Variants in LPP observed in about 807,000 individuals in gnomAD.
LPP encodes lipoma-preferred partner.
Under a neutral mutation model 60.4 loss-of-function variants are expected in LPP, and 38 were observed. The observed-to-expected ratio is 0.63, with a 90% CI of 0.49 to 0.83. The LOEUF is 0.83. Among genes scored for constraint, LPP ranks in the 40% least tolerant of loss-of-function variants. The probability of loss-of-function intolerance (pLI) is 0.00; values close to 1 mark genes in which losing one functional copy is unlikely to be tolerated. For synonymous variants in LPP, 328 were observed against 290.8 expected, an observed-to-expected ratio of 1.13 and a Z score of -1.30; for missense variants, 902 against 783.6, an observed-to-expected ratio of 1.15 and a Z score of -1.80.
chr3:188,258,716 T>C (rs535725653), intron 2 of LPP, among the ~76,000 whole-genome samples: 43 of 152,298 alleles, frequency 2.8e-4, no homozygotes, highest in Non-Finnish European at 1.0e-4. Context: ...GATTCTAAGA[T>C]TCGTCTAGAG....
At chr3:188,641,904 G>A (rs189553182) in intron 7 of LPP, among the ~76,000 whole-genome samples, 1 of 152,158 alleles carries the variant, frequency 6.6e-6, no homozygotes, top group African/African-American at 2.4e-5. Context: ...TTTGAATCTG[G>A]AGGTCTTTGA....
In LPP at chr3:188,798,149, T is replaced by C. The variant is rs1412087748; in HGVS notation, c.1410+37867T>C. Among the ~76,000 whole-genome samples, 3 of 152,188 alleles carry C rather than the reference T, an allele frequency of 2.0e-5. No homozygotes were observed. In the East Asian group the frequency reaches 5.8e-4, roughly 29 times the overall value. ...ATGACATATAAAATATAAGTAGTAATGACAAATTTAATAGTGAATACTTAC... is the reference window on the plus strand; with the variant it reads ...ATGACATATAAAATATAAGTAGTAACGACAAATTTAATAGTGAATACTTAC... On this transcript the variant is annotated intron_variant, in intron 9 of 11. Coordinates refer to ENST00000617246, the MANE Select transcript of LPP (RefSeq NM_001375462.1).
intron 9 of LPP, among the ~76,000 whole-genome samples, chr3:188,794,667 C>A (rs751776376): frequency 9.9e-5 from 15 of 152,174 alleles, no homozygotes; most frequent in South Asian, 4.1e-4. Context: ...AGGGCTACCT[C>A]AGGGGGTCCT....
chr3:188,412,868 C>T (rs952877717), intron 4 of LPP, among the ~76,000 whole-genome samples: 2 of 152,050 alleles, frequency 1.3e-5, no homozygotes, highest in African/African-American at 2.4e-5. Flanking sequence ...TGTGAGGTTA[C>T]GAATGTATTA....
intron 1 of LPP, among the ~76,000 whole-genome samples, chr3:188,158,366 T>C (rs893866373): frequency 2.6e-5 from 4 of 152,074 alleles, no homozygotes; most frequent in African/African-American, 9.7e-5. Context: ...AGGGAACATA[T>C]GAGGCGGAGA....
intron 6 of LPP, among the ~76,000 whole-genome samples, chr3:188,602,178 AT>A (rs1187791363): frequency 4.0e-5 from 4 of 100,714 alleles, no homozygotes; most frequent in African/African-American, 9.2e-5. Context: ...TATATATATT[AT>A]ATATATATAT....
At chr3:188,575,428 C>A (rs1232577824) in intron 6 of LPP, among the ~76,000 whole-genome samples, 3 of 152,118 alleles carry the variant, frequency 2.0e-5, no homozygotes, top group African/African-American at 7.2e-5. Context: ...CTGTAACAAT[C>A]CTACAAGAAC....
chr3:188,161,918 T>C (rs929352915), intron 1 of LPP, among the ~76,000 whole-genome samples: 3 of 152,220 alleles, frequency 2.0e-5, no homozygotes, highest in African/African-American at 7.2e-5. Flanking sequence ...CCATTGATGC[T>C]TGTTTGTGAG....
chr3:188,407,776 T>G (rs3846180), intron 4 of LPP, among the ~76,000 whole-genome samples: 2,461 of 59,618 alleles, frequency 0.041, 97 homozygotes, highest in African/African-American at 0.092. Context: ...TGGTTTTTTT[T>G]TTTGTTTGTT....
intron 3 of LPP, among the ~76,000 whole-genome samples, chr3:188,388,806 C>T (rs887610781): frequency 1.3e-5 from 2 of 152,152 alleles, no homozygotes; most frequent in Non-Finnish European, 2.9e-5. Context: ...CTGAGGTCCT[C>T]AAACTTTTTC....
intron 1 of LPP, among the ~76,000 whole-genome samples, chr3:188,155,225 C>T (rs1420528426): frequency 6.6e-6 from 1 of 152,092 alleles, no homozygotes; most frequent in Non-Finnish European, 1.5e-5. Flanking sequence ...TCTGGCTTCC[C>T]TTCCCTTAGA....
intron 2 of LPP, among the ~76,000 whole-genome samples, chr3:188,254,280 G>A (rs1018627885): frequency 6.6e-6 from 1 of 152,162 alleles, no homozygotes; most frequent in Admixed American, 6.5e-5. Context: ...AGTTCAGTAG[G>A]TGTTGCATAT....
chr3:188,304,372 T>G (rs1190429355), intron 2 of LPP, among the ~76,000 whole-genome samples: 1 of 152,190 alleles, frequency 6.6e-6, no homozygotes, highest in African/African-American at 2.4e-5. Flanking sequence ...GGGCAGGGAC[T>G]TGCTCAAGTT....
intron 3 of LPP, 139 bp downstream of exon 3, chr3:188,341,858 C>G (rs553418355): frequency 2.6e-5 from 5 of 188,700 alleles, no homozygotes; most frequent in African/African-American, 1.2e-4. Flanking sequence ...ATGGCCAAGA[C>G]AGTGAGCTGA....
intron 2 of LPP, among the ~76,000 whole-genome samples, chr3:188,228,313 G>C (rs1184340170): frequency 6.6e-6 from 1 of 152,168 alleles, no homozygotes. Flanking sequence ...GAGTCTGCTG[G>C]GGTCTCTGGC....
chr3:188,615,379 T>C (rs963229488), intron 7 of LPP, among the ~76,000 whole-genome samples: 2 of 152,212 alleles, frequency 1.3e-5, no homozygotes, highest in African/African-American at 4.8e-5. Flanking sequence ...TAAGGTTTTC[T>C]CCTCTTCCTA....
chr3:188,203,796 A>T (rs779056858), intron 1 of LPP, among the ~76,000 whole-genome samples: 4 of 150,732 alleles, frequency 2.7e-5, no homozygotes, highest in Non-Finnish European at 5.9e-5. Flanking sequence ...TTTAAATTAC[A>T]CCCACTTTGG....
chr3:188,873,360 A>G (rs572981192), intron 11 of LPP, among the ~76,000 whole-genome samples: 23 of 152,238 alleles, frequency 1.5e-4, no homozygotes, highest in Non-Finnish European at 2.9e-4. Flanking sequence ...ACCATGGTAG[A>G]TAGCAGAGGC....
chr3:188,835,183 G>T (rs543077067), intron 9 of LPP, among the ~76,000 whole-genome samples: 9 of 151,922 alleles, frequency 5.9e-5, no homozygotes, highest in Non-Finnish European at 1.3e-4. Flanking sequence ...CTATGGCCAG[G>T]CGCGGTGGCT....
Sources: gnomAD v4.1 joint callset for allele counts (sites outside exome capture counted in the v4.1 genomes callset) on GRCh38, gnomAD v4.1.1 for gene constraint, MANE v1.5 for transcripts, NCBI Gene and HGNC (gene_info 2026-07-23, HGNC 2026-07-21) for gene names.